Variants in KANK2 observed in about 807,000 individuals in gnomAD.
KANK2 encodes the protein KN motif and ankyrin repeat domains 2, also known as KN motif and ankyrin repeat domain-containing protein 2.
A neutral mutation model predicts 74.6 loss-of-function variants in KANK2; 41 were observed. That is an observed-to-expected ratio of 0.55 (90% CI 0.43 to 0.71). The LOEUF is 0.71. KANK2 is among the 30% of genes least tolerant of loss of function. The pLI, the probability that KANK2 is intolerant of heterozygous loss-of-function variation, is 0.00. For synonymous variants in KANK2, 537 were observed against 519.0 expected (o/e 1.03, Z -0.47); for missense variants, 1,148 against 1,196.4 (o/e 0.96, Z 0.60).
intron 12 of KANK2, among the ~76,000 whole-genome samples, chr19:11,168,963 A>G (rs551213234): frequency 3.0e-4 from 46 of 152,208 alleles, no homozygotes; most frequent in Non-Finnish European, 5.9e-4. Flanking sequence ...GCGCTTTCAG[A>G]GGCAGAAGAG....
intron 4 of KANK2, among the ~76,000 whole-genome samples, chr19:11,178,983 G>A (rs760484125): frequency 3.6e-4 from 55 of 152,262 alleles, no homozygotes; most frequent in Non-Finnish European, 5.4e-4. Flanking sequence ...GGACAACCCT[G>A]TGGCCCCATA....
intron 4 of KANK2, among the ~76,000 whole-genome samples, chr19:11,188,932 C>T (rs548917655): frequency 1.9e-4 from 28 of 150,078 alleles, no homozygotes; most frequent in African/African-American, 6.4e-4. Context: ...TTGCAGTGAG[C>T]GGAGATAGCG....
At chr19:11,177,568 T>A (rs2078381795) in intron 6 of KANK2, among the ~76,000 whole-genome samples, 1 of 152,050 alleles carries the variant, frequency 6.6e-6, no homozygotes. Context: ...GCCAGGCTTG[T>A]CTCGAACTCC....
In KANK2 at chr19:11,170,705, C is replaced by T. The variant is rs943039899; in HGVS notation, c.2212-457G>A. Among the ~76,000 whole-genome samples the T allele has an allele frequency of 2.0e-5, 3 of 152,226 alleles. No individual in the cohort carries two copies. The South Asian group carries it at 6.2e-4, about 31-fold the overall frequency. On this transcript the variant is annotated intron_variant, in intron 10 of 12. Coordinates refer to ENST00000586659, the MANE Select transcript of KANK2 (RefSeq NM_001136191.3). This position sits in a 1 kb window ranked among gnomAD's most constrained non-coding sequence, Gnocchi z 5.2. ...CCCCAGGCTCAGGTGATCCTCCCAC[C>T]TCAGCCTCCCGAGTAGCTGAGACTA... is the stretch of plus-strand genomic sequence containing the variant.
chr19:11,171,903 T>A (rs2078184891), intron 10 of KANK2, among the ~76,000 whole-genome samples: 2 of 150,550 alleles, frequency 1.3e-5, no homozygotes, highest in Non-Finnish European at 3.0e-5. Context: ...CTCAAACTAC[T>A]GACCTCGTGA....
At chr19:11,194,399 G>A in intron 3 of KANK2, 76 bp downstream of exon 3, 1 of 1,221,054 alleles carries the variant, frequency 8.2e-7, no homozygotes, top group Non-Finnish European at 1.2e-6. Context: ...AGTCCCCAGG[G>A]CAAGGTCCCC....
At position 11,170,301 on chromosome 19, in the gene KANK2, AC is replaced by A. The variant is rs982123655; in HGVS notation, c.2212-54del. ...GTTCATGCAGGCCCCAGGGCAGGAC[AC>A]CCCCTGGTCTAGAACCTGCTGTAGC... is the stretch of plus-strand genomic sequence containing the variant. On this transcript the variant is annotated intron_variant, in intron 10 of 12. Coordinates refer to ENST00000586659, the MANE Select transcript of KANK2 (RefSeq NM_001136191.3). The surrounding 1 kb of genome is among the most constrained non-coding windows in gnomAD (Gnocchi z 5.2). 2.0e-6 allele frequency: 3 copies of A among 1,493,236 alleles called. No homozygotes were observed. The highest frequency in any genetic ancestry group is 1.8e-6 in the Non-Finnish European group (2 of 1,084,852). 92.5% of individuals were successfully genotyped at this position (1,493,236 alleles called of 1,614,324 possible). A position where few individuals can be genotyped will look rare whatever the true frequency, so the allele number is the denominator to read the frequency against.
Position 11,193,267 on chromosome 19 carries a change from A to G in KANK2, c.813T>C (p.Val271=), listed in dbSNP as rs3745681. Residue 271 remains valine, a synonymous_variant, in exon 4 of 13, where the codon GTT becomes GTC. Coordinates refer to ENST00000586659, the MANE Select transcript of KANK2 (RefSeq NM_001136191.3). The surrounding 1 kb of genome is among the most constrained non-coding windows in gnomAD (Gnocchi z 9.6). ...CAGGCATGCCCAAGTCCCGTTCTCG[A>G]ACCCAGGTGCCCACACTCCGGGTCT... The part of the protein sequence containing the change: ...ALETRSVGTW[V]RERDLGMPDG... 681,304 of 1,609,768 alleles carry G rather than the reference A, an allele frequency of 0.42. 147,068 individuals are homozygous for G. Among genetic ancestry groups the G allele is most frequent in the African/African-American group, 0.62 (46,256 of 74,930 alleles).
In KANK2 at chr19:11,176,541, C is replaced by T. The variant is rs764551040; in HGVS notation, c.1760+37G>A. The T allele has an allele frequency of 3.8e-5, 59 of 1,537,530 alleles. No individual in the cohort carries two copies. In the Admixed American group the frequency reaches 4.9e-4, roughly 13 times the overall value. ...GTTTGAGGCAGAGGTCATCCACCCC[C>T]GGCCCTGCCTGAATCCCTCCTACCC... On this transcript the variant is annotated intron_variant, in intron 7 of 12. Coordinates refer to ENST00000586659, the MANE Select transcript of KANK2 (RefSeq NM_001136191.3).
rs760481891 is a variant in KANK2, at chr19:11,166,395, C to T, written c.*163G>A. 3 of 643,736 alleles carry T rather than the reference C, an allele frequency of 4.7e-6. No individual in the cohort carries two copies. The highest frequency in any genetic ancestry group is 1.9e-5 in the South Asian group (1 of 52,338). 39.9% of individuals were successfully genotyped at this position (643,736 alleles called of 1,614,324 possible). A position where few individuals can be genotyped will look rare whatever the true frequency, so the allele number is the denominator to read the frequency against. On this transcript the variant is annotated 3_prime_UTR_variant, in exon 13 of 13. Coordinates refer to ENST00000586659, the MANE Select transcript of KANK2 (RefSeq NM_001136191.3). ...CCACTTGGAGCTGGAGTCCTGTGGC[C>T]GTCGGGGCTCCCCCAGGGAAGCAGA...
At chr19:11,175,688 G>A (rs2078316493) in intron 8 of KANK2, among the ~76,000 whole-genome samples, 1 of 152,098 alleles carries the variant, frequency 6.6e-6, no homozygotes, top group African/African-American at 2.4e-5. Flanking sequence ...GGCCAGGCTT[G>A]GCCAGTGAGT....
intron 4 of KANK2, among the ~76,000 whole-genome samples, chr19:11,181,886 T>C (rs912153503): frequency 6.6e-6 from 1 of 151,114 alleles, no homozygotes; most frequent in African/African-American, 2.4e-5. Context: ...TGCCACTGAA[T>C]TACATACTCA....
chr19:11,173,380 C>T (rs1369871797), intron 9 of KANK2, among the ~76,000 whole-genome samples: 1 of 152,144 alleles, frequency 6.6e-6, no homozygotes, highest in African/African-American at 2.4e-5. Context: ...GAAACTGGGT[C>T]TCCCCTGTTA....
chr19:11,183,565 T>G (rs753201225), intron 4 of KANK2, among the ~76,000 whole-genome samples: 2 of 152,178 alleles, frequency 1.3e-5, no homozygotes, highest in South Asian at 2.1e-4. Context: ...CACAGCTCAT[T>G]CCAGCTTCGA....
chr19:11,185,073 AG>A (rs1384024888), intron 4 of KANK2, among the ~76,000 whole-genome samples: 3 of 148,528 alleles, frequency 2.0e-5, no homozygotes, highest in African/African-American at 7.4e-5. Flanking sequence ...AGTCTACTTC[AG>A]GCAACTTCTG....
rs62129142 is a variant in KANK2, at chr19:11,168,163, C to T, written c.2503-1552G>A. ...GATTAAAGGCATGCGCCACCACACC[C>T]GGCTAATATTTTGTTTTTTTAGTAC... is the stretch of plus-strand genomic sequence containing the variant. On this transcript the variant is annotated intron_variant, in intron 12 of 12. Coordinates refer to ENST00000586659, the MANE Select transcript of KANK2 (RefSeq NM_001136191.3). 4.4e-3 allele frequency among the ~76,000 whole-genome samples: 676 copies of T among 152,010 alleles called. 2 individuals are homozygous for T. The highest frequency in any genetic ancestry group is 7.4e-3 in the Non-Finnish European group (505 of 67,962).
intron 4 of KANK2, 61 bp downstream of exon 4, chr19:11,192,770 T>C (rs749784819): frequency 7.0e-6 from 11 of 1,563,690 alleles, no homozygotes; most frequent in African/African-American, 1.5e-5. Flanking sequence ...GGATGAGCCA[T>C]GGGAAGAAAG....
In KANK2 at chr19:11,165,733, T is replaced by A. The variant is rs1158897228; in HGVS notation, c.*825A>T. ...CACGCCTGGCTAGTTTTTAAATTTC[T>A]TGTAGAGATGGGTCTTGCTGTGTTG... On this transcript the variant is annotated 3_prime_UTR_variant, in exon 13 of 13. Coordinates refer to ENST00000586659, the MANE Select transcript of KANK2 (RefSeq NM_001136191.3). The A allele has an allele frequency of 1.3e-5, 2 of 152,256 alleles. No individual in the cohort carries two copies. 9.4% of individuals were successfully genotyped at this position (152,256 alleles called of 1,614,324 possible). A position where few individuals can be genotyped will look rare whatever the true frequency, so the allele number is the denominator to read the frequency against.
intron 6 of KANK2, 54 bp downstream of exon 6, chr19:11,178,291 G>A (rs2078402984): frequency 9.6e-6 from 11 of 1,145,174 alleles, no homozygotes; most frequent in Non-Finnish European, 9.9e-6. Flanking sequence ...GTGCGTGGAT[G>A]AATGGAGGAG....
Sources: allele counts gnomAD v4.1 joint callset (sites outside exome capture counted in the v4.1 genomes callset), GRCh38; gene constraint gnomAD v4.1.1; non-coding constraint Gnocchi (gnomAD v3.1); transcripts MANE v1.5; gene names NCBI Gene and HGNC (gene_info 2026-07-23, HGNC 2026-07-21).